Variants in SLC3A1 observed in about 807,000 individuals in gnomAD.
SLC3A1 encodes solute carrier family 3 member 1.
In SLC3A1, 78 loss-of-function variants were observed where a neutral mutation model predicts 60.3. The observed-to-expected ratio is 1.29, with a 90% CI of 1.08 to 1.56. The LOEUF is 1.56. Ranked by LOEUF, SLC3A1 falls within the 40% of genes most tolerant of loss-of-function variation. The pLI, the probability that SLC3A1 is intolerant of heterozygous loss-of-function variation, is 0.00. For synonymous variants in SLC3A1, 392 were observed against 307.9 expected (o/e 1.27, Z -2.86); for missense variants, 1,172 against 858.9 (o/e 1.36, Z -4.56).
Position 44,304,169 on chromosome 2 carries a change from A to C in SLC3A1, c.1163A>C (p.Glu388Ala). ...TTCATGGGGACTGAAGCCTATGCAGAGAGTATTGACAGGACCGTGATGTAC... is the reference window on the plus strand; with the variant it reads ...TTCATGGGGACTGAAGCCTATGCAGCGAGTATTGACAGGACCGTGATGTAC... ...YRFMGTEAYAESIDRTVMYYG... is the reference protein window; with the variant it reads ...YRFMGTEAYAASIDRTVMYYG... The change falls in exon 7 of 10, where the codon GAG becomes GCG. Residue 388 changes from glutamate (E) to alanine (A), a missense_variant. By Grantham distance (107) the Glu-to-Ala change is moderately radical (BLOSUM62 -1). Coordinates refer to ENST00000260649, the MANE Select transcript of SLC3A1 (RefSeq NM_000341.4). 16 of 1,614,124 alleles carry C rather than the reference A, an allele frequency of 9.9e-6. No homozygotes were observed. The highest frequency in any genetic ancestry group is 1.4e-5 in the Non-Finnish European group (16 of 1,179,976).
chr2:44,282,018 C>T (rs568665362), intron 3 of SLC3A1, among the ~76,000 whole-genome samples: 81 of 152,168 alleles, frequency 5.3e-4, no homozygotes, highest in Non-Finnish European at 8.5e-4. Flanking sequence ...ATTACAGGCG[C>T]GCGTCATCAT....
intron 3 of SLC3A1, chr2:44,285,792 C>A: frequency 1.5e-6 from 1 of 652,336 alleles, no homozygotes; most frequent in Non-Finnish European, 2.9e-6. Flanking sequence ...CATTGGTTTG[C>A]TGTTGCAGTT....
chr2:44,288,568 C>G (rs1055515073), intron 4 of SLC3A1, among the ~76,000 whole-genome samples: 2 of 152,134 alleles, frequency 1.3e-5, no homozygotes, highest in Admixed American at 1.3e-4. Context: ...TGAGAAACTG[C>G]CAAGTTGTTT....
intron 6 of SLC3A1, chr2:44,301,450 C>G (rs1039958617): frequency 3.8e-6 from 2 of 524,394 alleles, no homozygotes; most frequent in Non-Finnish European, 6.9e-6. Context: ...TTTTCAAAAA[C>G]CAGTTCCAGG....
intron 9 of SLC3A1, chr2:44,317,697 A>C (rs945979229): frequency 6.6e-6 from 1 of 152,460 alleles, no homozygotes; most frequent in Non-Finnish European, 1.5e-5. Context: ...CATAAAATAT[A>C]ACAATTTTCA....
chr2:44,303,683 A>T (rs770070111), intron 6 of SLC3A1: 3 of 258,126 alleles, frequency 1.2e-5, no homozygotes, highest in Non-Finnish European at 2.3e-5. Flanking sequence ...TGCACCCATC[A>T]ACTTGTCATT....
At position 44,299,405 on chromosome 2, in the gene SLC3A1, G is replaced by A. The variant is rs114932492; in HGVS notation, c.892-566G>A. Among the ~76,000 whole-genome samples, 426 of 152,290 alleles carry A rather than the reference G, an allele frequency of 2.8e-3. 3 individuals carry two copies. The highest frequency in any genetic ancestry group is 9.6e-3 in the African/African-American group (401 of 41,562). On this transcript the variant is annotated intron_variant, in intron 4 of 9. Transcript: ENST00000260649. ...AGTATCTGAGTTTTACCACAGGATC[G>A]TCACTATTCTTAGTTATTTACTTGG...
At chr2:44,319,841 G>C in intron 9 of SLC3A1, 1 of 202,328 alleles carries the variant, frequency 4.9e-6, no homozygotes, top group East Asian at 1.3e-4. Flanking sequence ...CTGGCCATCT[G>C]GCAGTTACAA....
At position 44,280,818 on chromosome 2, in the gene SLC3A1, A is replaced by C. The variant is rs1671479591; in HGVS notation, c.533A>C (p.Glu178Ala). ...SSLKDFRYGV[E>A]DFREVDPIFG... ...CTTAAAGATTTCAGATATGGTGTTG[A>C]AGATTTCCGGGAAGTTGATCCCATT... The change falls in exon 2 of 10, where the codon GAA (glutamate) becomes GCA (alanine). Residue 178 changes from glutamate (E) to alanine (A), a missense_variant. Transcript: ENST00000260649. 6.2e-7 allele frequency: 1 copy of C among 1,613,932 alleles called. No homozygotes were observed. Among genetic ancestry groups the C allele is most frequent in the Non-Finnish European group, 8.5e-7 (1 of 1,179,842 alleles).
At position 44,321,480 on chromosome 2, in the gene SLC3A1, GC is replaced by G; in HGVS notation, c.*843del. On this transcript the variant is annotated 3_prime_UTR_variant, in exon 10 of 10. Coordinates refer to ENST00000260649, the MANE Select transcript of SLC3A1 (RefSeq NM_000341.4). The stretch of plus-strand genomic sequence containing the variant: ...ACACATTAAAAAAATTAAATAGAAG[GC>G]CTTTGTAGTAAAATGCCACTGTTTA... 6.3e-7 allele frequency: 1 copy of G among 1,594,458 alleles called. No homozygotes were observed. The highest frequency in any genetic ancestry group is 8.6e-7 in the Non-Finnish European group (1 of 1,166,256).
chr2:44,318,276 G>A (rs533302843), intron 9 of SLC3A1: 2 of 283,626 alleles, frequency 7.1e-6, no homozygotes, highest in South Asian at 5.5e-5. Flanking sequence ...TTTTTTAGTA[G>A]AGATGGTGTT....
intron 9 of SLC3A1, chr2:44,314,183 C>A: frequency 9.3e-7 from 1 of 1,074,856 alleles, no homozygotes; most frequent in Non-Finnish European, 1.3e-6. Flanking sequence ...ATATACAAGT[C>A]TTCATTGCAA....
intron 4 of SLC3A1, among the ~76,000 whole-genome samples, chr2:44,288,385 CT>C (rs1327667732): frequency 6.6e-6 from 1 of 152,092 alleles, no homozygotes; most frequent in Non-Finnish European, 1.5e-5. Context: ...ACAGTCACTC[CT>C]TATGGCCCCC....
downstream of SLC3A1, chr2:44,321,587 CAGA>C: frequency 1.3e-6 from 2 of 1,490,218 alleles, no homozygotes; most frequent in South Asian, 2.8e-5. Context: ...GAGAGAGAGG[CAGA>C]AGGCTTCCAA....
intron 9 of SLC3A1, 163 bp downstream of exon 9, chr2:44,314,114 G>A (rs1672366091): frequency 2.0e-6 from 3 of 1,504,236 alleles, no homozygotes; most frequent in African/African-American, 1.4e-5. Flanking sequence ...TGTAAATCAT[G>A]CCTTTGTGAA....
intron 9 of SLC3A1, chr2:44,314,210 CT>C: frequency 1.2e-6 from 1 of 865,654 alleles, no homozygotes; most frequent in South Asian, 1.9e-5. Context: ...TTACTAAGGC[CT>C]TTGAGCTATG....
intron 1 of SLC3A1, 112 bp from the exon 2 acceptor site, chr2:44,280,604 A>G (rs1473686386): frequency 2.7e-6 from 2 of 743,082 alleles, no homozygotes; most frequent in Non-Finnish European, 4.6e-6. Flanking sequence ...ACAAAATTCT[A>G]AGTATTTTTG....
downstream of SLC3A1, chr2:44,321,762 A>T (rs773227115): frequency 6.2e-7 from 1 of 1,613,360 alleles, no homozygotes; most frequent in Non-Finnish European, 8.5e-7. Flanking sequence ...GCAACCACTG[A>T]AAATGTGAAA....
rs76172862 is a variant in SLC3A1, at chr2:44,297,626, C to T, written c.892-2345C>T. The stretch of plus-strand genomic sequence containing the variant: ...ACATGTCCCCAACTGTTCTGTAGAC[C>T]TGAAGCCAGGGAACATGCTGTACTT... On this transcript the variant is annotated intron_variant, in intron 4 of 9. Coordinates refer to ENST00000260649, the MANE Select transcript of SLC3A1 (RefSeq NM_000341.4). Among the ~76,000 whole-genome samples the T allele has an allele frequency of 9.6e-3, 1,467 of 152,286 alleles. 17 individuals carry two copies. Among genetic ancestry groups the T allele is most frequent in the African/African-American group, 0.027 (1,130 of 41,552 alleles).
Sources: allele counts gnomAD v4.1 joint callset (sites outside exome capture counted in the v4.1 genomes callset), GRCh38; gene constraint gnomAD v4.1.1; transcripts MANE v1.5; gene names NCBI Gene and HGNC (gene_info 2026-07-23, HGNC 2026-07-21).